DNAH11: variants seen among roughly 807,000 people sequenced by gnomAD.
DNAH11 encodes the protein dynein axonemal heavy chain 11, also known as axonemal beta dynein heavy chain 11.
DNAH11 carries 442 observed loss-of-function variants against 526.0 expected under a neutral mutation model. That is an observed-to-expected ratio of 0.84 (90% CI 0.78 to 0.91). The LOEUF is 0.91. DNAH11 is among the 40% of genes least tolerant of loss of function. The pLI is 0.00. For missense variants in DNAH11, 6,989 were observed against 5,448.7 expected (o/e 1.28, Z -8.90); for synonymous variants, 2,461 against 1,935.9 (o/e 1.27, Z -7.12).
At chr7:21,809,407 A>G (rs1481772400) in intron 63 of DNAH11, among the ~76,000 whole-genome samples, 3 of 152,006 alleles carry the variant, frequency 2.0e-5, no homozygotes, top group Non-Finnish European at 4.4e-5. Flanking sequence ...CCACTTTTGC[A>G]TTTGTTTGTG....
intron 32 of DNAH11, among the ~76,000 whole-genome samples, chr7:21,685,176 A>G (rs1257668879): frequency 6.6e-6 from 1 of 152,184 alleles, no homozygotes; most frequent in Non-Finnish European, 1.5e-5. Flanking sequence ...TCATTAGTTA[A>G]TTTATGCATT....
chr7:21,783,088 C>G (rs2127984935), intron 57 of DNAH11, among the ~76,000 whole-genome samples: 1 of 152,128 alleles, frequency 6.6e-6, no homozygotes, highest in Non-Finnish European at 1.5e-5. Context: ...AATAAATAAA[C>G]CTGAGATGAT....
chr7:21,722,008 G>A (rs1784896189), intron 44 of DNAH11, among the ~76,000 whole-genome samples: 1 of 152,026 alleles, frequency 6.6e-6, no homozygotes, highest in South Asian at 2.1e-4. Context: ...CTGATTTCCT[G>A]TGGGAAAACA....
intron 27 of DNAH11, among the ~76,000 whole-genome samples, chr7:21,638,687 A>G (rs1786977278): frequency 8.4e-6 from 1 of 119,048 alleles, no homozygotes; most frequent in Non-Finnish European, 1.7e-5. Context: ...GCCACAGCTA[A>G]TGGGGTGTGT....
At chr7:21,743,528 G>A (rs931377632) in intron 49 of DNAH11, among the ~76,000 whole-genome samples, 5 of 152,266 alleles carry the variant, frequency 3.3e-5, no homozygotes, top group South Asian at 2.1e-4. Flanking sequence ...GATGAAATAC[G>A]AAAACTCCAT....
chr7:21,662,360 A>G (rs1373703705), intron 30 of DNAH11, among the ~76,000 whole-genome samples: 1 of 152,160 alleles, frequency 6.6e-6, no homozygotes, highest in African/African-American at 2.4e-5. Context: ...TATTTTCTTT[A>G]TAACATGTCA....
chr7:21,739,462 T>C, intron 47 of DNAH11, 109 bp from the exon 48 acceptor site: 1 of 749,360 alleles, frequency 1.3e-6, no homozygotes, highest in Non-Finnish European at 2.1e-6. Context: ...CACAGAGTGA[T>C]TATGAAGATA....
chr7:21,838,760 G>A (rs762891820), intron 65 of DNAH11, among the ~76,000 whole-genome samples: 1 of 137,432 alleles, frequency 7.3e-6, no homozygotes, highest in Non-Finnish European at 1.6e-5. Flanking sequence ...TTGAGACAGG[G>A]TCTCTGTTGC....
intron 56 of DNAH11, 112 bp downstream of exon 56, chr7:21,774,111 T>C: frequency 9.8e-7 from 1 of 1,021,816 alleles, no homozygotes; most frequent in South Asian, 1.8e-5. Flanking sequence ...GCTGGTGAAA[T>C]TTACAGTTTC....
intron 9 of DNAH11, among the ~76,000 whole-genome samples, chr7:21,584,128 CAT>C (rs1265497240): frequency 6.6e-6 from 1 of 152,176 alleles, no homozygotes; most frequent in Non-Finnish European, 1.5e-5. Context: ...CACATGCACA[CAT>C]ATGTTTATTG....
Position 21,710,706 on chromosome 7 carries a change from GA to G in DNAH11, c.6834+5del. 1 of 1,608,928 alleles carries G rather than the reference GA, an allele frequency of 6.2e-7. No homozygotes were observed. The highest frequency in any genetic ancestry group is 8.5e-7 in the Non-Finnish European group (1 of 1,177,722). ...ATACTGTAATGGATGATAACAAGGT[GA>G]ATAAAACCTCTGTTCTCAACCTTAA... On this transcript the variant is annotated splice_donor_region_variant and intron_variant, in intron 41 of 81. Coordinates refer to ENST00000409508, the MANE Select transcript of DNAH11 (RefSeq NM_001277115.2).
chr7:21,610,881 G>A (rs759655897), intron 20 of DNAH11, among the ~76,000 whole-genome samples: 1 of 152,184 alleles, frequency 6.6e-6, no homozygotes, highest in Non-Finnish European at 1.5e-5. Context: ...TTAGAATGCC[G>A]TCCAACTGTT....
chr7:21,802,080 A>G (rs1789020698), intron 62 of DNAH11, among the ~76,000 whole-genome samples: 1 of 152,240 alleles, frequency 6.6e-6, no homozygotes, highest in Non-Finnish European at 1.5e-5. Flanking sequence ...TTTCCCTTAC[A>G]AGGTTGTGAT....
chr7:21,612,351 C>A (rs111599276), intron 20 of DNAH11, among the ~76,000 whole-genome samples: 2 of 151,860 alleles, frequency 1.3e-5, no homozygotes, highest in African/African-American at 2.4e-5. Context: ...GTCAGGAGAT[C>A]GAGACCATCC....
intron 68 of DNAH11, among the ~76,000 whole-genome samples, chr7:21,861,619 C>T (rs1160120445): frequency 6.6e-6 from 1 of 152,116 alleles, no homozygotes; most frequent in Non-Finnish European, 1.5e-5. Flanking sequence ...TGATGCAATT[C>T]AATTGCTTGG....
In DNAH11 at chr7:21,705,499, G is replaced by T; in HGVS notation, c.6508G>T (p.Val2170Phe). ...GGAACTGTTGGCTGTGCGGCACTCG[G>T]TCTTTGTAGTTGGAAATGCAGGCAC... ...LEELLAVRHS[V>F]FVVGNAGTGK... The change falls in exon 39 of 82, where the codon GTC becomes TTC. Residue 2170 changes from valine to phenylalanine, a missense_variant. Val to Phe is a conservative substitution (Grantham distance 50, BLOSUM62 -1). Transcript: ENST00000409508. 6.2e-7 allele frequency: 1 copy of T among 1,613,706 alleles called. No homozygotes were observed. The highest frequency in any genetic ancestry group is 8.5e-7 in the Non-Finnish European group (1 of 1,179,724).
intron 46 of DNAH11, among the ~76,000 whole-genome samples, chr7:21,736,957 G>A (rs1173281561): frequency 6.6e-6 from 1 of 152,220 alleles, no homozygotes; most frequent in Non-Finnish European, 1.5e-5. Context: ...ATAAATGGAA[G>A]ATTAAGCTAC....
chr7:21,841,936 C>A (rs373910517), intron 65 of DNAH11, among the ~76,000 whole-genome samples: 1 of 152,150 alleles, frequency 6.6e-6, no homozygotes, highest in Non-Finnish European at 1.5e-5. Context: ...CTCAATTTAA[C>A]CTGCCCCCTC....
At chr7:21,759,394 T>A (rs1786786838) in intron 54 of DNAH11, among the ~76,000 whole-genome samples, 1 of 152,206 alleles carries the variant, frequency 6.6e-6, no homozygotes, top group African/African-American at 2.4e-5. Context: ...GTGCACATGT[T>A]GAAGCTATTG....
Sources: allele counts gnomAD v4.1 joint callset (sites outside exome capture counted in the v4.1 genomes callset), GRCh38; gene constraint gnomAD v4.1.1; transcripts MANE v1.5; gene names NCBI Gene and HGNC (gene_info 2026-07-23, HGNC 2026-07-21).